QNG1: variants seen among roughly 807,000 people sequenced by gnomAD.
The protein encoded by QNG1 is queuosine 5'-phosphate N-glycosylase/hydrolase.
At chr9:83,940,408 C>T in the QNG1 span, among the ~76,000 whole-genome samples, 1 of 151,988 alleles carries the variant, frequency 6.6e-6, no homozygotes. Flanking sequence ...GAGCCGAGAT[C>T]ACGCCATTGC....
the QNG1 span, among the ~76,000 whole-genome samples, chr9:83,942,303 G>A: frequency 1.1e-4 from 16 of 152,202 alleles, no homozygotes; most frequent in African/African-American, 3.6e-4. Flanking sequence ...AGGTAATATG[G>A]CCCAGGTATT....
At chr9:83,948,516 G>GC in the QNG1 span, among the ~76,000 whole-genome samples, 3 of 150,956 alleles carry the variant, frequency 2.0e-5, no homozygotes, top group Non-Finnish European at 4.4e-5. Flanking sequence ...TCCGGGAGGG[G>GC]GGGGGCGCCT....
At chr9:83,952,141 C>T in the QNG1 span, among the ~76,000 whole-genome samples, 4 of 152,034 alleles carry the variant, frequency 2.6e-5, no homozygotes, top group African/African-American at 4.8e-5. Flanking sequence ...CATGCCACCA[C>T]GCCTGGCTAG....
the QNG1 span, chr9:83,956,655 G>T: frequency 1.7e-6 from 1 of 585,374 alleles, no homozygotes; most frequent in South Asian, 2.9e-5. Context: ...TGCAGCCAAG[G>T]TAAAGGTTCT....
the QNG1 span, chr9:83,955,392 T>C: frequency 3.1e-6 from 5 of 1,613,474 alleles, no homozygotes; most frequent in African/African-American, 5.3e-5. Context: ...TCAAACAGAG[T>C]CACATCTCTG....
the QNG1 span, chr9:83,956,499 A>C: frequency 2.6e-6 from 4 of 1,519,680 alleles, no homozygotes; most frequent in South Asian, 5.3e-5. Flanking sequence ...GAGCCCGTCC[A>C]TTCTGCCCTT....
At chr9:83,949,669 A>AAC in the QNG1 span, among the ~76,000 whole-genome samples, 2 of 150,760 alleles carry the variant, frequency 1.3e-5, no homozygotes, top group Admixed American at 6.6e-5. Flanking sequence ...AAAACAAACA[A>AAC]AAAAAAAACC....
chr9:83,943,456 T>C, the QNG1 span, among the ~76,000 whole-genome samples: 1 of 149,048 alleles, frequency 6.7e-6, no homozygotes, highest in African/African-American at 2.5e-5. Flanking sequence ...AATATGGCCA[T>C]ATGAAAAATA....
the QNG1 span, among the ~76,000 whole-genome samples, chr9:83,949,919 C>A: frequency 6.6e-6 from 1 of 150,954 alleles, no homozygotes; most frequent in Non-Finnish European, 1.5e-5. Context: ...CTGCTGTTTC[C>A]ATGGTAGCAG....
chr9:83,948,372 G>A, the QNG1 span, among the ~76,000 whole-genome samples: 1 of 149,608 alleles, frequency 6.7e-6, no homozygotes, highest in East Asian at 2.0e-4. Context: ...GCCCCGTCCA[G>A]GAGGGAGGTG....
At chr9:83,941,633 T>C in the QNG1 span, among the ~76,000 whole-genome samples, 1 of 151,896 alleles carries the variant, frequency 6.6e-6, no homozygotes, top group African/African-American at 2.4e-5. Context: ...AGGATACAGG[T>C]CGGGTGCAGT....
chr9:83,954,059 T>C, the QNG1 span, among the ~76,000 whole-genome samples: 10 of 152,090 alleles, frequency 6.6e-5, no homozygotes, highest in African/African-American at 2.4e-4. Context: ...CATACCCAGC[T>C]AATTTTTGTA....
At chr9:83,956,266 A>G in the QNG1 span, 1 of 1,614,120 alleles carries the variant, frequency 6.2e-7, no homozygotes, top group Non-Finnish European at 8.5e-7. Context: ...TGCTCCGACC[A>G]AAAGGAGAAG....
the QNG1 span, among the ~76,000 whole-genome samples, chr9:83,945,966 GTC>G: frequency 6.6e-6 from 1 of 151,964 alleles, no homozygotes. Context: ...ATTAAAACAC[GTC>G]TGTTTTTCTG....
the QNG1 span, among the ~76,000 whole-genome samples, chr9:83,940,020 G>A: frequency 6.6e-6 from 1 of 152,114 alleles, no homozygotes; most frequent in Non-Finnish European, 1.5e-5. Flanking sequence ...ATAAATATTT[G>A]ATAAATGAGT....
the QNG1 span, among the ~76,000 whole-genome samples, chr9:83,948,691 T>C: frequency 6.6e-6 from 1 of 152,230 alleles, no homozygotes; most frequent in Non-Finnish European, 1.5e-5. Context: ...GATCGGATTG[T>C]TACTGTGTCC....
the QNG1 span, among the ~76,000 whole-genome samples, chr9:83,944,346 C>T: frequency 5.9e-5 from 9 of 152,106 alleles, no homozygotes; most frequent in Admixed American, 2.0e-4. Context: ...CCAATAATGG[C>T]GAATAAGCCT....
At chr9:83,946,252 C>A in the QNG1 span, among the ~76,000 whole-genome samples, 1 of 151,866 alleles carries the variant, frequency 6.6e-6, no homozygotes, top group Admixed American at 6.6e-5. Flanking sequence ...TTGCAGTGAG[C>A]CGAGATCGCA....
the QNG1 span, chr9:83,953,647 ATTTCTTTTATTT>A: frequency 9.1e-5 from 56 of 615,464 alleles, no homozygotes; most frequent in Non-Finnish European, 1.1e-4. Flanking sequence ...CGCCAAGCCA[ATTTCTTTTATTT>A]TTTCTTTTAT....
Sources: allele counts gnomAD v4.1 joint callset (sites outside exome capture counted in the v4.1 genomes callset), GRCh38; gene constraint gnomAD v4.1.1; transcripts MANE v1.5; gene names NCBI Gene and HGNC (gene_info 2026-07-23, HGNC 2026-07-21).